Variants in CNGB1 observed in about 807,000 individuals in gnomAD.
CNGB1 encodes cyclic nucleotide-gated channel beta-1.
Under a neutral mutation model 151.7 loss-of-function variants are expected in CNGB1, and 126 were observed. The observed-to-expected ratio is 0.83, with a 90% confidence interval of 0.72 to 0.96. The LOEUF (loss-of-function observed/expected upper bound fraction) is 0.96, where lower values mean the gene tolerates loss of function less well. CNGB1 is among the 40% of genes least tolerant of loss of function. The probability of loss-of-function intolerance (pLI) is 0.00; values close to 1 mark genes in which losing one functional copy is unlikely to be tolerated. For missense variants in CNGB1, 1,698 were observed against 1,627.0 expected (o/e 1.04, Z -0.75); for synonymous variants, 623 against 635.1 (o/e 0.98, Z 0.29).
At chr16:57,960,958 G>A (rs367896472) in intron 7 of CNGB1, 43 bp from the exon 8 acceptor site, 65 of 1,593,228 alleles carry the variant, frequency 4.1e-5, no homozygotes, top group African/African-American at 8.0e-5. Context: ...TGAGGGAACC[G>A]GCCAGCGCAC....
In CNGB1 at chr16:57,917,494, G is replaced by A. The variant is rs756676900; in HGVS notation, c.1958-18C>T. ...CATCAGGTCTGTGGGGAAGGTTGACGGGGACGCTAGAGCATCAGCCAGGCA... is the reference window on the plus strand; with the variant it reads ...CATCAGGTCTGTGGGGAAGGTTGACAGGGACGCTAGAGCATCAGCCAGGCA... On this transcript the variant is annotated intron_variant, in intron 20 of 32. Coordinates refer to ENST00000251102, the MANE Select transcript of CNGB1 (RefSeq NM_001297.5). 59 of 1,612,368 alleles carry A rather than the reference G, an allele frequency of 3.7e-5. No homozygotes were observed. The highest frequency in any genetic ancestry group is 1.8e-4 in the Middle Eastern group (1 of 5,540).
chr16:57,900,619 G>A (rs529523053), intron 29 of CNGB1, among the ~76,000 whole-genome samples: 5 of 152,000 alleles, frequency 3.3e-5, no homozygotes, highest in Non-Finnish European at 7.4e-5. Flanking sequence ...AGAGGGTGAA[G>A]CTGAGCAGGG....
intron 17 of CNGB1, among the ~76,000 whole-genome samples, chr16:57,929,178 G>A (rs7195436): frequency 0.029 from 4,366 of 152,120 alleles, 211 homozygotes; most frequent in African/African-American, 0.099. Flanking sequence ...TAAAAAATAG[G>A]CAAAGAACTC....
intron 14 of CNGB1, among the ~76,000 whole-genome samples, chr16:57,945,436 A>G (rs1597001717): frequency 1.3e-5 from 2 of 152,240 alleles, no homozygotes; most frequent in Admixed American, 6.5e-5. Flanking sequence ...GTGTCAGACC[A>G]GAAGCCCCTG....
chr16:57,964,259 C>T (rs1042706992), intron 3 of CNGB1, 57 bp from the exon 4 acceptor site: 1 of 1,573,934 alleles, frequency 6.4e-7, no homozygotes, highest in Non-Finnish European at 8.7e-7. Flanking sequence ...CCATTTCTAC[C>T]CTGCTTGGGG....
chr16:57,899,737 C>T (rs1238750237), intron 29 of CNGB1, among the ~76,000 whole-genome samples: 1 of 152,186 alleles, frequency 6.6e-6, no homozygotes, highest in Non-Finnish European at 1.5e-5. Context: ...CAAAAATTTC[C>T]TGTGCATTTC....
At chr16:57,937,622 A>T (rs377711934) in intron 16 of CNGB1, among the ~76,000 whole-genome samples, 6 of 152,352 alleles carry the variant, frequency 3.9e-5, no homozygotes, top group African/African-American at 1.4e-4. Context: ...TCCCAAAAAT[A>T]TTAGAATCAA....
At chr16:57,905,705 G>T (rs1185317007) in intron 25 of CNGB1, among the ~76,000 whole-genome samples, 1 of 152,258 alleles carries the variant, frequency 6.6e-6, no homozygotes, top group Non-Finnish European at 1.5e-5. Flanking sequence ...GTTACAAAAG[G>T]TTCTGGTGGA....
rs1220993632 is a variant in CNGB1, at chr16:57,960,931, T to G, written c.459-16A>C. On this transcript the variant is annotated splice_polypyrimidine_tract_variant and intron_variant, in intron 7 of 32. Coordinates refer to ENST00000251102, the MANE Select transcript of CNGB1 (RefSeq NM_001297.5). The stretch of plus-strand genomic sequence containing the variant: ...CAGCCCAGGCCTGCAGAGGGGCCAG[T>G]GATCAGCAGAGTGCCCTGAGGGAAC... 4 of 1,613,688 alleles carry G rather than the reference T, an allele frequency of 2.5e-6. No individual in the cohort carries two copies. The African/African-American group carries it at 5.3e-5, about 22-fold the overall frequency.
chr16:57,962,314 T>C (rs1430118584), intron 7 of CNGB1, among the ~76,000 whole-genome samples: 1 of 152,062 alleles, frequency 6.6e-6, no homozygotes, highest in East Asian at 1.9e-4. Context: ...CCCCTCCCTA[T>C]TCTCAGAGGG....
chr16:57,921,150 A>G (rs1961021980), intron 18 of CNGB1, among the ~76,000 whole-genome samples: 1 of 150,224 alleles, frequency 6.7e-6, no homozygotes, highest in Non-Finnish European at 1.5e-5. Flanking sequence ...ACATTAGGAC[A>G]CAGAAACTGC....
rs140451507 is a variant in CNGB1, at chr16:57,935,103, G to A, written c.1373-3225C>T. Among the ~76,000 whole-genome samples, 1,389 of 151,190 alleles carry A rather than the reference G, an allele frequency of 9.2e-3. 23 individuals carry two copies. The highest frequency in any genetic ancestry group is 0.033 in the African/African-American group (1,346 of 41,162). ...AGTGAATACCCAGAGAGGAAGTCTC[G>A]GGTCGGTGCCACTGTGGCCTTAGAG... is the stretch of plus-strand genomic sequence containing the variant. On this transcript the variant is annotated intron_variant, in intron 16 of 32. Coordinates refer to ENST00000251102, the MANE Select transcript of CNGB1 (RefSeq NM_001297.5).
chr16:57,925,548 C>T (rs1359382716), intron 17 of CNGB1, among the ~76,000 whole-genome samples: 8 of 152,310 alleles, frequency 5.3e-5, no homozygotes, highest in African/African-American at 1.9e-4. Flanking sequence ...AATTGCTACA[C>T]TCAGCAGGGC....
rs74019717 is a variant in CNGB1, at chr16:57,901,252, C to A, written c.2976+100G>T. 2.5e-3 allele frequency: 2,825 copies of A among 1,149,796 alleles called. 46 individuals carry two copies. The African/African-American group carries it at 0.036, about 15-fold the overall frequency. 71.2% of individuals were successfully genotyped at this position (1,149,796 alleles called of 1,614,324 possible). On this transcript the variant is annotated intron_variant, in intron 29 of 32. Coordinates refer to ENST00000251102, the MANE Select transcript of CNGB1 (RefSeq NM_001297.5). ...CGCTCTTCTCCCTCCCCAACAATCT[C>A]GCTCTGCCCTGGGCTGGCAGGCACC...
At chr16:57,964,870 G>GT (rs2149388973) in intron 2 of CNGB1, among the ~76,000 whole-genome samples, 1 of 152,314 alleles carries the variant, frequency 6.6e-6, no homozygotes, top group Non-Finnish European at 1.5e-5. Context: ...TTTAGAGATA[G>GT]TTATGAAGCC....
intron 16 of CNGB1, among the ~76,000 whole-genome samples, chr16:57,935,850 G>A (rs565281638): frequency 8.5e-5 from 13 of 152,058 alleles, no homozygotes; most frequent in African/African-American, 2.4e-4. Flanking sequence ...GATGGAGGCC[G>A]GGGTGGCACC....
Position 57,967,275 on chromosome 16 carries a change from C to G in CNGB1, c.12G>C (p.Trp4Cys). MLGWVQRVLPQPPG... is the reference protein window; with the variant it reads MLGCVQRVLPQPPG... ...GGGGCTGAGGCAGCACCCTCTGGAC[C>G]CAGCCCAACATCCTGATGCCTGTAG... is the stretch of plus-strand genomic sequence containing the variant. Residue 4 changes from tryptophan to cysteine, a missense_variant, in exon 2 of 33, where the codon TGG (tryptophan) becomes TGC (cysteine). Trp to Cys is a radical substitution (Grantham distance 215). Coordinates refer to ENST00000251102, the MANE Select transcript of CNGB1 (RefSeq NM_001297.5). The G allele has an allele frequency of 6.2e-7, 1 of 1,614,154 alleles. No homozygotes were observed. Among genetic ancestry groups the G allele is most frequent in the Non-Finnish European group, 8.5e-7 (1 of 1,180,018 alleles).
intron 18 of CNGB1, among the ~76,000 whole-genome samples, chr16:57,921,376 C>A (rs945311923): frequency 1.3e-5 from 2 of 152,036 alleles, no homozygotes; most frequent in Non-Finnish European, 2.9e-5. Context: ...TGCACGCCAC[C>A]AAGCCTGACT....
At chr16:57,899,893 C>T (rs1412338770) in intron 29 of CNGB1, among the ~76,000 whole-genome samples, 1 of 152,178 alleles carries the variant, frequency 6.6e-6, no homozygotes, top group Non-Finnish European at 1.5e-5. Flanking sequence ...CGAGCAAAAC[C>T]AGACAGCAGA....
Sources: gnomAD v4.1 joint callset for allele counts (sites outside exome capture counted in the v4.1 genomes callset) on GRCh38, gnomAD v4.1.1 for gene constraint, MANE v1.5 for transcripts, NCBI Gene and HGNC (gene_info 2026-07-23, HGNC 2026-07-21) for gene names.